Variants in C9 observed in about 807,000 individuals in gnomAD.
C9 encodes the protein complement component C9.
C9 carries 63 observed loss-of-function variants against 65.4 expected under a neutral mutation model. The ratio of observed to expected loss-of-function variants is 0.96; its 90% CI spans 0.79 to 1.19. The LOEUF is 1.19. C9 is among the 50% of genes most tolerant of loss of function. The pLI, the probability that C9 is intolerant of heterozygous loss-of-function variation, is 0.00. For synonymous variants in C9, 229 were observed against 227.9 expected (o/e 1.00, Z -0.04); for missense variants, 744 against 670.1 (o/e 1.11, Z -1.22).
intron 5 of C9, among the ~76,000 whole-genome samples, chr5:39,328,104 G>A (rs74512214): frequency 7.2e-5 from 11 of 152,320 alleles, no homozygotes; most frequent in African/African-American, 2.6e-4. Context: ...TTAGCAGAAT[G>A]TCTAGCAATG....
chr5:39,292,858 ATGT>A (rs1410234327), intron 9 of C9, among the ~76,000 whole-genome samples: 1 of 99,670 alleles, frequency 1.0e-5, no homozygotes, highest in Non-Finnish European at 2.7e-5. Flanking sequence ...TGTGAATCAT[ATGT>A]TATAGAGTAA....
chr5:39,360,027 A>G (rs566771598), intron 1 of C9, among the ~76,000 whole-genome samples: 2 of 152,350 alleles, frequency 1.3e-5, no homozygotes, highest in African/African-American at 2.4e-5. Context: ...AAATATAACC[A>G]AAGTAGGAGG....
At chr5:39,346,336 G>T (rs1042819502) in intron 1 of C9, among the ~76,000 whole-genome samples, 4 of 152,252 alleles carry the variant, frequency 2.6e-5, no homozygotes, top group African/African-American at 4.8e-5. Flanking sequence ...TGACAAAGGG[G>T]ATATCACCAC....
intron 9 of C9, among the ~76,000 whole-genome samples, chr5:39,305,972 C>T (rs1753366752): frequency 6.6e-6 from 1 of 151,900 alleles, no homozygotes; most frequent in Non-Finnish European, 1.5e-5. Context: ...ACCAGCCTGG[C>T]CAACATGGCG....
intron 5 of C9, among the ~76,000 whole-genome samples, chr5:39,320,045 G>C (rs571131266): frequency 6.6e-6 from 1 of 152,300 alleles, no homozygotes; most frequent in South Asian, 2.1e-4. Context: ...TAGTCTTTAA[G>C]GAATGGAATA....
chr5:39,331,839 G>T (rs1331245101), intron 4 of C9, 25 bp from the exon 5 acceptor site: 1 of 1,609,702 alleles, frequency 6.2e-7, no homozygotes, highest in South Asian at 1.1e-5. Flanking sequence ...AGTAGTATCA[G>T]AAGTGGAAAT....
chr5:39,310,417 A>G (rs1450081112), intron 7 of C9, among the ~76,000 whole-genome samples: 2 of 152,168 alleles, frequency 1.3e-5, no homozygotes, highest in African/African-American at 4.8e-5. Context: ...CAACTTATTA[A>G]TATAGTCACT....
At chr5:39,344,653 G>C (rs952723521) in intron 1 of C9, among the ~76,000 whole-genome samples, 1 of 152,122 alleles carries the variant, frequency 6.6e-6, no homozygotes, top group Non-Finnish European at 1.5e-5. Context: ...CAACATTCAA[G>C]TTCAGGAAAT....
chr5:39,319,735 C>G (rs1456941485), intron 5 of C9, among the ~76,000 whole-genome samples: 3 of 152,194 alleles, frequency 2.0e-5, no homozygotes. Context: ...GCCCCAGGCT[C>G]CAGGCCAGCC....
chr5:39,286,220 C>A (rs1341555536), intron 10 of C9, among the ~76,000 whole-genome samples: 1 of 151,956 alleles, frequency 6.6e-6, no homozygotes, highest in Non-Finnish European at 1.5e-5. Flanking sequence ...AACAAACTAA[C>A]CCTAAGAATA....
chr5:39,340,738 A>G (rs1456564369), intron 4 of C9, among the ~76,000 whole-genome samples: 1 of 152,226 alleles, frequency 6.6e-6, no homozygotes, highest in Non-Finnish European at 1.5e-5. Context: ...AGAAGTTCCA[A>G]TGGAAGACAG....
chr5:39,285,052 G>T lies in C9; in HGVS notation c.*147C>A. 4.4e-6 allele frequency: 3 copies of T among 680,590 alleles called. No individual in the cohort carries two copies. The highest frequency in any genetic ancestry group is 1.7e-5 in the South Asian group (1 of 57,506). The allele number at this position is 680,590 out of a possible 1,614,324, so 42.2% of individuals were successfully genotyped here. A position where few individuals can be genotyped will look rare whatever the true frequency, so the allele number is the denominator to read the frequency against. ...AAGAAAAATTTAAAAAAAAATTATA[G>T]ACCTAAGAGAGAAGAGACTTCAGAG... is the stretch of plus-strand genomic sequence containing the variant. On this transcript the variant is annotated 3_prime_UTR_variant, in exon 11 of 11. Coordinates refer to ENST00000263408, the MANE Select transcript of C9 (RefSeq NM_001737.5).
intron 1 of C9, among the ~76,000 whole-genome samples, chr5:39,346,351 C>A (rs998502332): frequency 6.6e-6 from 1 of 152,110 alleles, no homozygotes; most frequent in African/African-American, 2.4e-5. Context: ...CACCACTGAT[C>A]CCACAGAAAT....
In C9 at chr5:39,364,372, A is replaced by G. The variant is rs6864541; in HGVS notation, c.77+16T>C. 0.076 allele frequency: 113,834 copies of G among 1,495,200 alleles called. 4,723 individuals are homozygous for G. The highest frequency in any genetic ancestry group is 0.11 in the African/African-American group (7,913 of 72,696). 92.6% of individuals were successfully genotyped at this position (1,495,200 alleles called of 1,614,324 possible). On this transcript the variant is annotated intron_variant, in intron 1 of 10. Transcript: ENST00000263408. ...CAGGAAACTTCCAGAGACAAGCAGA[A>G]AAGTAACTGACTCACCTGGTCGTGT...
intron 1 of C9, among the ~76,000 whole-genome samples, chr5:39,351,797 A>G (rs1387408666): frequency 6.6e-6 from 1 of 152,030 alleles, no homozygotes; most frequent in African/African-American, 2.4e-5. Context: ...GAAGTTCCAA[A>G]TTTTCTCTCA....
At chr5:39,292,688 T>C (rs1753118441) in intron 9 of C9, among the ~76,000 whole-genome samples, 1 of 151,436 alleles carries the variant, frequency 6.6e-6, no homozygotes, top group Non-Finnish European at 1.5e-5. Flanking sequence ...AAAATATGTA[T>C]GTAAAATATA....
chr5:39,297,861 G>A (rs1753212435), intron 9 of C9, among the ~76,000 whole-genome samples: 1 of 151,600 alleles, frequency 6.6e-6, no homozygotes, highest in Admixed American at 6.6e-5. Flanking sequence ...GACATTTACA[G>A]AGCATTCTAC....
At chr5:39,347,003 G>C (rs1437715578) in intron 1 of C9, among the ~76,000 whole-genome samples, 1 of 152,090 alleles carries the variant, frequency 6.6e-6, no homozygotes, top group Admixed American at 6.5e-5. Flanking sequence ...TATAAATTAG[G>C]TATTGATGGG....
At chr5:39,320,606 C>G (rs1197010610) in intron 5 of C9, among the ~76,000 whole-genome samples, 1 of 151,940 alleles carries the variant, frequency 6.6e-6, no homozygotes, top group African/African-American at 2.4e-5. Flanking sequence ...GTGTAGAAAA[C>G]TTATTTAAAG....
Sources: allele counts gnomAD v4.1 joint callset (sites outside exome capture counted in the v4.1 genomes callset), GRCh38; gene constraint gnomAD v4.1.1; transcripts MANE v1.5; gene names NCBI Gene and HGNC (gene_info 2026-07-23, HGNC 2026-07-21).